KIRREL3: variants seen among roughly 807,000 people sequenced by gnomAD.
KIRREL3 encodes kin of IRRE-like protein 3.
KIRREL3 carries 36 observed loss-of-function variants against 89.7 expected under a neutral mutation model. The ratio of observed to expected loss-of-function variants is 0.40; its 90% CI spans 0.31 to 0.53. The LOEUF is 0.53. Ranked by LOEUF, KIRREL3 falls within the 20% of genes least tolerant of loss-of-function variation. The pLI is 0.49. For missense variants in KIRREL3, 864 were observed against 1,056.6 expected (o/e 0.82, Z 2.53); for synonymous variants, 445 against 441.4 (o/e 1.01, Z -0.10).
intron 3 of KIRREL3, among the ~76,000 whole-genome samples, chr11:126,524,372 A>T (rs1958685058): frequency 1.3e-5 from 2 of 152,206 alleles, no homozygotes; most frequent in South Asian, 4.1e-4. Flanking sequence ...GAAGGGAGAG[A>T]AGACAGAGTA....
At chr11:126,863,403 G>GTGTGTGTGTT (rs1378095859) in intron 1 of KIRREL3, among the ~76,000 whole-genome samples, 28,513 of 129,468 alleles carry the variant, frequency 0.22, 4,087 homozygotes, top group Non-Finnish European at 0.29. Context: ...GTGTGAGTGC[G>GTGTGTGTGTT]TGAGTGCGTG....
At chr11:126,524,615 TTGAC>T (rs1192525148) in intron 3 of KIRREL3, among the ~76,000 whole-genome samples, 3 of 152,260 alleles carry the variant, frequency 2.0e-5, no homozygotes, top group African/African-American at 7.2e-5. Context: ...ATCATTTTCT[TTGAC>T]TGGTTATTCC....
chr11:126,927,529 G>A lies in KIRREL3; in HGVS notation c.55+72926C>T, dbSNP rs192867658. Among the ~76,000 whole-genome samples the A allele has an allele frequency of 6.2e-3, 943 of 152,284 alleles. 4 individuals carry two copies. Among genetic ancestry groups the A allele is most frequent in the Non-Finnish European group, 0.01 (694 of 68,030 alleles). ...TACATTATTTTAATAAATACAAAAAGGAAAGGTCTCCTTTGACCACTCTGC... is the reference window on the plus strand; with the variant it reads ...TACATTATTTTAATAAATACAAAAAAGAAAGGTCTCCTTTGACCACTCTGC... On this transcript the variant is annotated intron_variant, in intron 1 of 16. Transcript: ENST00000525144.
Position 126,892,475 on chromosome 11 carries a change from A to G in KIRREL3, c.55+107980T>C, listed in dbSNP as rs1343837115. Among the ~76,000 whole-genome samples the G allele has an allele frequency of 1.3e-5, 2 of 152,188 alleles. No individual in the cohort carries two copies. Among genetic ancestry groups the G allele is most frequent in the African/African-American group, 4.8e-5 (2 of 41,458 alleles). On this transcript the variant is annotated intron_variant, in intron 1 of 16. Transcript: ENST00000525144. This position sits in a 1 kb window ranked among gnomAD's most constrained non-coding sequence, Gnocchi z 5.4. ...AGTGGCAGCTTTTTTTTCTTGAAAA[A>G]TCAGCTATTATTTATCCTTAAGGAA...
In KIRREL3 at chr11:126,594,297, C is replaced by T. The variant is rs117578913; in HGVS notation, c.56-31385G>A. Among the ~76,000 whole-genome samples the T allele has an allele frequency of 3.6e-3, 514 of 143,388 alleles. 3 individuals carry two copies. The highest frequency in any genetic ancestry group is 0.012 in the Admixed American group (178 of 14,792). 94.1% of individuals were successfully genotyped at this position (143,388 alleles called of 152,430 possible). A position where few individuals can be genotyped will look rare whatever the true frequency, so the allele number is the denominator to read the frequency against. ...TGGGTCGGAGCCACAGGATTCATGG[C>T]GTACTGTGATTTTTTTGTTGTTGCT... On this transcript the variant is annotated intron_variant, in intron 1 of 16. Transcript: ENST00000525144. This position sits in a 1 kb window ranked among gnomAD's most constrained non-coding sequence, Gnocchi z 5.0.
chr11:126,554,377 C>A (rs914984237), intron 2 of KIRREL3, among the ~76,000 whole-genome samples: 20 of 152,176 alleles, frequency 1.3e-4, no homozygotes, highest in African/African-American at 4.3e-4. Context: ...CCAGGAATTG[C>A]TCCATAGAAG....
chr11:126,904,979 TA>T lies in KIRREL3; in HGVS notation c.55+95475del, dbSNP rs527750569. 1.8e-4 allele frequency among the ~76,000 whole-genome samples: 28 copies of T among 152,156 alleles called. No individual in the cohort carries two copies. The South Asian group carries it at 4.2e-3, about 23-fold the overall frequency. On this transcript the variant is annotated intron_variant, in intron 1 of 16. Transcript: ENST00000525144. This position sits in a 1 kb window ranked among gnomAD's most constrained non-coding sequence, Gnocchi z 4.4. ...ATGATGATGATACAGAAATAGTGTG[TA>T]AAAAAATTCATCTTCAGATGGGTAT...
chr11:126,584,712 G>T (rs1439547074), intron 1 of KIRREL3, among the ~76,000 whole-genome samples: 1 of 152,102 alleles, frequency 6.6e-6, no homozygotes, highest in African/African-American at 2.4e-5. Flanking sequence ...GTGTCGTTTA[G>T]ATCTGGGGCA....
At chr11:126,869,413 C>T (rs1239424796) in intron 1 of KIRREL3, among the ~76,000 whole-genome samples, 1 of 152,136 alleles carries the variant, frequency 6.6e-6, no homozygotes, top group Non-Finnish European at 1.5e-5. Flanking sequence ...GCAGTGTCTC[C>T]AGGGATCACC....
chr11:126,672,036 T>G (rs914736690), intron 1 of KIRREL3, among the ~76,000 whole-genome samples: 1 of 152,172 alleles, frequency 6.6e-6, no homozygotes, highest in Non-Finnish European at 1.5e-5. Flanking sequence ...TGTTCTCCAG[T>G]AGGTGAATGG....
intron 1 of KIRREL3, among the ~76,000 whole-genome samples, chr11:126,603,623 G>A (rs1268210080): frequency 6.6e-6 from 1 of 152,270 alleles, no homozygotes; most frequent in African/African-American, 2.4e-5. Context: ...CTGAGCAGCT[G>A]TGCTGGAGCC....
rs1948071496 is a variant in KIRREL3, at chr11:126,719,001, A to G, written c.56-156089T>C. Among the ~76,000 whole-genome samples, 1 of 152,170 alleles carries G rather than the reference A, an allele frequency of 6.6e-6. No individual in the cohort carries two copies. Among genetic ancestry groups the G allele is most frequent in the Non-Finnish European group, 1.5e-5 (1 of 68,026 alleles). Reference sequence around the variant, plus strand: ...TTTATTTAATCATCTTCTTACAAATATGCTGTAATATCTCTAACTTTTTTA... The same window carrying G: ...TTTATTTAATCATCTTCTTACAAATGTGCTGTAATATCTCTAACTTTTTTA... On this transcript the variant is annotated intron_variant, in intron 1 of 16. Coordinates refer to ENST00000525144, the MANE Select transcript of KIRREL3 (RefSeq NM_032531.4). This position sits in a 1 kb window ranked among gnomAD's most constrained non-coding sequence, Gnocchi z 4.7.
rs548886774 is a variant in KIRREL3 at position 126,521,136 on chromosome 11, G to T, written c.433+179C>A. Among the ~76,000 whole-genome samples the T allele has an allele frequency of 6.6e-6, 1 of 152,070 alleles. No homozygotes were observed. Among genetic ancestry groups the T allele is most frequent in the Non-Finnish European group, 1.5e-5 (1 of 68,000 alleles). ...CTGGTTTACTAGGGAAAGAGCCTTC[G>T]CTTGTCCCGTTTGGGTGGGAAGGTG... On this transcript the variant is annotated intron_variant, in intron 4 of 16. Transcript: ENST00000525144. The surrounding 1 kb of genome is among the most constrained non-coding windows in gnomAD (Gnocchi z 4.1).
intron 1 of KIRREL3, among the ~76,000 whole-genome samples, chr11:126,818,037 G>A (rs1328575859): frequency 6.6e-6 from 1 of 152,218 alleles, no homozygotes; most frequent in Non-Finnish European, 1.5e-5. Context: ...CTTGATTAGA[G>A]TATTAGGAAC....
In KIRREL3 at chr11:126,519,461, C is replaced by G. The variant is rs533429208; in HGVS notation, c.433+1854G>C. Among the ~76,000 whole-genome samples the G allele has an allele frequency of 6.6e-6, 1 of 152,308 alleles. No homozygotes were observed. Among genetic ancestry groups the G allele is most frequent in the East Asian group, 1.9e-4 (1 of 5,184 alleles). On this transcript the variant is annotated intron_variant, in intron 4 of 16. Coordinates refer to ENST00000525144, the MANE Select transcript of KIRREL3 (RefSeq NM_032531.4). This position sits in a 1 kb window ranked among gnomAD's most constrained non-coding sequence, Gnocchi z 4.3. ...TTCGAAATAATCTGGACTTTTAATA[C>G]GTTGGACTTTTTTACGTAACGTAGA...
intron 1 of KIRREL3, among the ~76,000 whole-genome samples, chr11:126,851,533 C>G (rs570565691): frequency 3.9e-5 from 6 of 152,174 alleles, no homozygotes; most frequent in Non-Finnish European, 5.9e-5. Flanking sequence ...ATTATCTACT[C>G]CCCGACTCTT....
At chr11:126,878,270 C>A (rs974739629) in intron 1 of KIRREL3, among the ~76,000 whole-genome samples, 5 of 152,254 alleles carry the variant, frequency 3.3e-5, no homozygotes, top group Admixed American at 3.3e-4. Context: ...AAGTCCCCTG[C>A]AGCTATTAAA....
rs1950223982 is a variant in KIRREL3 at position 126,778,168 on chromosome 11, T to C, written c.56-215256A>G. On this transcript the variant is annotated intron_variant, in intron 1 of 16. Transcript: ENST00000525144. The surrounding 1 kb of genome is among the most constrained non-coding windows in gnomAD (Gnocchi z 4.5). ...ACATTTCAGTGGATATCCTACACCC[T>C]TTCTAGGGTTGTATATTCATGAGAT... 6.6e-6 allele frequency among the ~76,000 whole-genome samples: 1 copy of C among 152,190 alleles called. No homozygotes were observed. The highest frequency in any genetic ancestry group is 1.5e-5 in the Non-Finnish European group (1 of 68,022).
At chr11:126,545,898 G>A (rs1451512059) in intron 2 of KIRREL3, among the ~76,000 whole-genome samples, 1 of 152,210 alleles carries the variant, frequency 6.6e-6, no homozygotes, top group African/African-American at 2.4e-5. Flanking sequence ...GCCATTTAAT[G>A]TAGAACTCAG....
Sources: gnomAD v4.1 joint callset for allele counts (sites outside exome capture counted in the v4.1 genomes callset) on GRCh38, gnomAD v4.1.1 for gene constraint, Gnocchi (gnomAD v3.1) non-coding constraint, MANE v1.5 for transcripts, NCBI Gene and HGNC (gene_info 2026-07-23, HGNC 2026-07-21) for gene names.